Variants in AUTS2 observed in about 807,000 individuals in gnomAD.
AUTS2 encodes the protein autism susceptibility gene 2 protein.
AUTS2 carries 17 observed loss-of-function variants against 112.4 expected under a neutral mutation model. The ratio of observed to expected loss-of-function variants is 0.15; its 90% CI spans 0.10 to 0.23. The LOEUF (loss-of-function observed/expected upper bound fraction) is 0.23, where lower values mean the gene tolerates loss of function less well. Ranked by LOEUF, AUTS2 falls within the 10% of genes least tolerant of loss-of-function variation. The probability of loss-of-function intolerance (pLI) is 1.00; values close to 1 mark genes in which losing one functional copy is unlikely to be tolerated. For missense variants in AUTS2, 1,510 were observed against 1,701.6 expected (o/e 0.89, Z 1.98); for synonymous variants, 751 against 702.7 (o/e 1.07, Z -1.09).
intron 2 of AUTS2, among the ~76,000 whole-genome samples, chr7:70,027,682 A>G (rs774705065): frequency 3.9e-5 from 6 of 152,214 alleles, no homozygotes; most frequent in Admixed American, 2.6e-4. Flanking sequence ...ATACATTTCT[A>G]TTGACCTCAG....
intron 1 of AUTS2, among the ~76,000 whole-genome samples, chr7:69,640,314 C>T (rs763910288): frequency 1.1e-4 from 16 of 152,290 alleles, no homozygotes; most frequent in South Asian, 2.1e-4. Flanking sequence ...TCTCCCCAGC[C>T]GGGGATGGAG....
At chr7:69,649,425 T>TA (rs1422031820) in intron 1 of AUTS2, among the ~76,000 whole-genome samples, 1 of 152,196 alleles carries the variant, frequency 6.6e-6, no homozygotes. Flanking sequence ...CCTTAACTCT[T>TA]AAAGAGTGGA....
intron 1 of AUTS2, among the ~76,000 whole-genome samples, chr7:69,787,973 C>G (rs57361163): frequency 6.6e-6 from 1 of 152,188 alleles, no homozygotes; most frequent in Non-Finnish European, 1.5e-5. Context: ...GGGCATTATT[C>G]TCACTGGCAT....
chr7:70,086,587 G>C (rs2129566371), intron 2 of AUTS2, among the ~76,000 whole-genome samples: 1 of 148,356 alleles, frequency 6.7e-6, no homozygotes, highest in Admixed American at 6.8e-5. Context: ...GTTGCAGTGA[G>C]CTGAGATCGC....
chr7:69,898,187 G>T (rs1048184368), intron 1 of AUTS2, among the ~76,000 whole-genome samples: 1 of 151,986 alleles, frequency 6.6e-6, no homozygotes, highest in East Asian at 1.9e-4. Flanking sequence ...TATATATGCC[G>T]ACTATGTACC....
At chr7:70,718,545 C>G (rs182633854) in intron 6 of AUTS2, among the ~76,000 whole-genome samples, 1 of 152,258 alleles carries the variant, frequency 6.6e-6, no homozygotes, top group East Asian at 1.9e-4. Flanking sequence ...CACCTTTGAT[C>G]CCAGCTACTT....
At chr7:70,607,010 C>T (rs1371013526) in intron 5 of AUTS2, among the ~76,000 whole-genome samples, 2 of 152,272 alleles carry the variant, frequency 1.3e-5, no homozygotes, top group South Asian at 4.1e-4. Flanking sequence ...TAGCGAGCCC[C>T]AGTTCCCACC....
chr7:70,308,429 C>A (rs1789584087), intron 4 of AUTS2, among the ~76,000 whole-genome samples: 1 of 152,100 alleles, frequency 6.6e-6, no homozygotes, highest in African/African-American at 2.4e-5. Context: ...CACTTCTACT[C>A]CTATGATGTC....
chr7:69,666,362 T>C (rs1024029700), intron 1 of AUTS2, among the ~76,000 whole-genome samples: 2 of 152,232 alleles, frequency 1.3e-5, no homozygotes, highest in Admixed American at 1.3e-4. Flanking sequence ...CGTAATTCAG[T>C]AAACAATTTT....
At chr7:70,228,389 C>CT (rs1335289997) in intron 4 of AUTS2, among the ~76,000 whole-genome samples, 1 of 150,502 alleles carries the variant, frequency 6.6e-6, no homozygotes, top group African/African-American at 2.4e-5. Flanking sequence ...CTAACAATCT[C>CT]TTTTTTTTGA....
intron 4 of AUTS2, among the ~76,000 whole-genome samples, chr7:70,284,733 A>T (rs1788378032): frequency 6.6e-6 from 1 of 152,180 alleles, no homozygotes; most frequent in Non-Finnish European, 1.5e-5. Flanking sequence ...TATAAAGAAG[A>T]TGAAACTGAT....
intron 4 of AUTS2, among the ~76,000 whole-genome samples, chr7:70,307,043 C>G (rs1269865969): frequency 6.6e-6 from 1 of 151,992 alleles, no homozygotes; most frequent in Non-Finnish European, 1.5e-5. Flanking sequence ...TGAACCTTGC[C>G]TCATTGTATA....
At chr7:70,529,134 C>G (rs1366604448) in intron 5 of AUTS2, among the ~76,000 whole-genome samples, 1 of 152,146 alleles carries the variant, frequency 6.6e-6, no homozygotes, top group Non-Finnish European at 1.5e-5. Context: ...TCTGGGCAGA[C>G]CCTTAAATGG....
intron 1 of AUTS2, among the ~76,000 whole-genome samples, chr7:69,823,145 C>T (rs1791073069): frequency 6.6e-6 from 1 of 152,184 alleles, no homozygotes; most frequent in Non-Finnish European, 1.5e-5. Flanking sequence ...ATCATTCTAT[C>T]CTTACACTTG....
At chr7:69,969,211 G>A (rs968310591) in intron 2 of AUTS2, among the ~76,000 whole-genome samples, 1 of 151,968 alleles carries the variant, frequency 6.6e-6, no homozygotes, top group African/African-American at 2.4e-5. Context: ...GTTAAGGCAC[G>A]TAAATAAACT....
At chr7:69,621,378 C>T (rs1341189417) in intron 1 of AUTS2, among the ~76,000 whole-genome samples, 1 of 151,978 alleles carries the variant, frequency 6.6e-6, no homozygotes, top group Non-Finnish European at 1.5e-5. Flanking sequence ...CCAACCCACC[C>T]CACCCCTACC....
intron 1 of AUTS2, among the ~76,000 whole-genome samples, chr7:69,730,142 A>G (rs1297968109): frequency 6.6e-6 from 1 of 151,388 alleles, no homozygotes; most frequent in Non-Finnish European, 1.5e-5. Context: ...GCACTTGGCA[A>G]TATGTAACTC....
At chr7:69,705,001 G>T (rs1459352462) in intron 1 of AUTS2, among the ~76,000 whole-genome samples, 1 of 152,070 alleles carries the variant, frequency 6.6e-6, no homozygotes, top group Non-Finnish European at 1.5e-5. Flanking sequence ...CCAGTAGCTG[G>T]GACTACAGGT....
chr7:69,944,867 A>T (rs566581571), intron 2 of AUTS2, among the ~76,000 whole-genome samples: 1 of 152,172 alleles, frequency 6.6e-6, no homozygotes, highest in South Asian at 2.1e-4. Context: ...AAAGCAGCCT[A>T]CTTTGATGAA....
Sources: gnomAD v4.1 joint callset for allele counts (sites outside exome capture counted in the v4.1 genomes callset) on GRCh38, gnomAD v4.1.1 for gene constraint, MANE v1.5 for transcripts, NCBI Gene and HGNC (gene_info 2026-07-23, HGNC 2026-07-21) for gene names.